The following EPC2 variants were observed in gnomAD, a reference collection of about 807,000 sequenced individuals.
EPC2 encodes enhancer of polycomb 2.
A neutral mutation model predicts 92.1 loss-of-function variants in EPC2; 14 were observed. That is an observed-to-expected ratio of 0.15 (90% CI 0.10 to 0.24). The LOEUF (loss-of-function observed/expected upper bound fraction) is 0.24. Ranked by LOEUF, EPC2 falls within the 10% of genes least tolerant of loss-of-function variation. The pLI is 1.00. For missense variants in EPC2, 755 were observed against 971.5 expected (o/e 0.78, Z 2.96); for synonymous variants, 340 against 334.7 (o/e 1.02, Z -0.17).
In EPC2 at chr2:148,708,540, A is replaced by ATCTGCCT. The variant is rs1682059511; in HGVS notation, c.313+18167_313+18168insTCTGCCT. ...ACCAAAGCCTGGCAGAGACACAACA[A>ATCTGCCT]AAAAGGAGAATTTTAGACCAATATC... On this transcript the variant is annotated intron_variant, in intron 2 of 13. Transcript: ENST00000258484. Among the ~76,000 whole-genome samples, 14 of 152,318 alleles carry ATCTGCCT rather than the reference A, an allele frequency of 9.2e-5. No homozygotes were observed. The South Asian group carries it at 2.7e-3, about 29-fold the overall frequency.
intron 2 of EPC2, among the ~76,000 whole-genome samples, chr2:148,693,173 A>T (rs1383549716): frequency 6.6e-6 from 1 of 152,122 alleles, no homozygotes; most frequent in Non-Finnish European, 1.5e-5. Context: ...CTTTTTGCTA[A>T]GCCTTTAAGG....
intron 7 of EPC2, among the ~76,000 whole-genome samples, chr2:148,767,800 C>T (rs983906107): frequency 2.0e-5 from 3 of 152,164 alleles, no homozygotes; most frequent in Non-Finnish European, 2.9e-5. Context: ...GAATCTACCC[C>T]GGGGAATCGT....
chr2:148,691,588 CT>C, intron 2 of EPC2: 2 of 1,550,472 alleles, frequency 1.3e-6, no homozygotes, highest in Non-Finnish European at 1.7e-6. Context: ...AAGTCTTGTT[CT>C]TCTAAAGAGA....
Position 148,784,910 on chromosome 2 carries a change from T to C in EPC2, c.2260T>C (p.Ser754Pro). 1 of 1,591,948 alleles carries C rather than the reference T, an allele frequency of 6.3e-7. No individual in the cohort carries two copies. The highest frequency in any genetic ancestry group is 8.6e-7 in the Non-Finnish European group (1 of 1,168,366). ...TATCAATACACGGACTTCAGCACCATCGCCAACAGCCTTAAAACTTGCCAC... is the reference window on the plus strand; with the variant it reads ...TATCAATACACGGACTTCAGCACCACCGCCAACAGCCTTAAAACTTGCCAC... ...VHINTRTSAPSPTALKLATVA... is the reference protein window; with the variant it reads ...VHINTRTSAPPPTALKLATVA... The change falls in exon 13 of 14, where the codon TCG becomes CCG. Residue 754 changes from serine to proline, a missense_variant. Transcript: ENST00000258484.
At chr2:148,706,285 G>A (rs990601286) in intron 2 of EPC2, among the ~76,000 whole-genome samples, 5 of 151,804 alleles carry the variant, frequency 3.3e-5, no homozygotes, top group South Asian at 2.1e-4. Context: ...AATGAAGCAA[G>A]AAGTTTAGAG....
At chr2:148,727,500 G>A (rs1229528167) in intron 2 of EPC2, among the ~76,000 whole-genome samples, 1 of 151,986 alleles carries the variant, frequency 6.6e-6, no homozygotes, top group African/African-American at 2.4e-5. Context: ...CCATGTAGTG[G>A]CCTATGAAGA....
rs184188136 is a variant in EPC2 at position 148,709,444 on chromosome 2, C to T, written c.313+19071C>T. Among the ~76,000 whole-genome samples the T allele has an allele frequency of 7.2e-3, 1,089 of 152,226 alleles. 6 individuals are homozygous for T. Among genetic ancestry groups the T allele is most frequent in the African/African-American group, 0.025 (1,024 of 41,532 alleles). On this transcript the variant is annotated intron_variant, in intron 2 of 13. Transcript: ENST00000258484. ...CCAAGGTAATTTATAGATTAAATGCCATCCCCATCAAGCTACCAATGACTT... is the reference window on the plus strand; with the variant it reads ...CCAAGGTAATTTATAGATTAAATGCTATCCCCATCAAGCTACCAATGACTT...
At chr2:148,717,742 T>G (rs774935283) in intron 2 of EPC2, among the ~76,000 whole-genome samples, 2 of 152,196 alleles carry the variant, frequency 1.3e-5, no homozygotes, top group African/African-American at 2.4e-5. Context: ...GGTGGAGAGT[T>G]CTATAGGTAT....
chr2:148,691,427 AT>A, intron 2 of EPC2: 3 of 1,294,552 alleles, frequency 2.3e-6, no homozygotes. Context: ...AAGTCTGGTG[AT>A]TTGTATTTTT....
intron 7 of EPC2, among the ~76,000 whole-genome samples, chr2:148,766,394 G>C (rs1683408210): frequency 6.6e-6 from 1 of 152,128 alleles, no homozygotes; most frequent in South Asian, 2.1e-4. Flanking sequence ...ATAATATTCT[G>C]ATAGTCATAT....
chr2:148,771,609 A>G (rs769003631), intron 10 of EPC2, among the ~76,000 whole-genome samples: 1 of 151,910 alleles, frequency 6.6e-6, no homozygotes, highest in Non-Finnish European at 1.5e-5. Flanking sequence ...GGCAGAATGC[A>G]TACAGAGTTC....
chr2:148,765,034 C>G lies in EPC2; in HGVS notation c.1028C>G (p.Ala343Gly). 1 of 1,608,492 alleles carries G rather than the reference C, an allele frequency of 6.2e-7. No homozygotes were observed. The highest frequency in any genetic ancestry group is 8.5e-7 in the Non-Finnish European group (1 of 1,176,824). The change falls in exon 7 of 14, where the codon GCA (alanine) becomes GGA (glycine). Residue 343 changes from alanine to glycine, a missense_variant. Ala to Gly is a moderately conservative substitution (Grantham distance 60). This residue lies in a region of EPC2 where 509 missense variants were observed against 607.7 expected (regional missense o/e 0.84). Coordinates refer to ENST00000258484, the MANE Select transcript of EPC2 (RefSeq NM_015630.4). ...QKKKYPKKPK[A>G]EALITSQQPT... The stretch of plus-strand genomic sequence containing the variant: ...AAGAAGTACCCAAAGAAGCCTAAAG[C>G]AGAGGCTTTGATAACATCTCAGCAA...
At chr2:148,753,596 T>A (rs1438546541) in intron 3 of EPC2, among the ~76,000 whole-genome samples, 1 of 152,086 alleles carries the variant, frequency 6.6e-6, no homozygotes, top group Non-Finnish European at 1.5e-5. Context: ...GTGTATAATA[T>A]CAGAGTTTTG....
At chr2:148,755,756 T>G (rs945489590) in intron 4 of EPC2, among the ~76,000 whole-genome samples, 1 of 152,164 alleles carries the variant, frequency 6.6e-6, no homozygotes, top group African/African-American at 2.4e-5. Context: ...AGATCTTTAT[T>G]TGTTCGATTA....
At chr2:148,652,695 T>C (rs1449241620) in intron 1 of EPC2, among the ~76,000 whole-genome samples, 2 of 152,222 alleles carry the variant, frequency 1.3e-5, no homozygotes, top group African/African-American at 2.4e-5. Context: ...ACATTAAATA[T>C]TGGGAAGAAA....
chr2:148,751,667 T>C (rs976257253), intron 3 of EPC2, among the ~76,000 whole-genome samples: 6 of 152,084 alleles, frequency 3.9e-5, no homozygotes, highest in African/African-American at 1.2e-4. Context: ...TTTTTTATAC[T>C]GTATAAAAAT....
At chr2:148,706,468 C>T (rs1285497267) in intron 2 of EPC2, among the ~76,000 whole-genome samples, 1 of 152,034 alleles carries the variant, frequency 6.6e-6, no homozygotes, top group African/African-American at 2.4e-5. Context: ...CAAGGCAGGC[C>T]AACATTCAAA....
intron 1 of EPC2, among the ~76,000 whole-genome samples, chr2:148,679,733 A>C (rs1363262981): frequency 6.6e-6 from 1 of 152,074 alleles, no homozygotes; most frequent in Non-Finnish European, 1.5e-5. Context: ...GCAGCCTCCC[A>C]TTCCTGCGCT....
intron 1 of EPC2, among the ~76,000 whole-genome samples, chr2:148,677,728 C>T (rs964263861): frequency 1.3e-5 from 2 of 151,990 alleles, no homozygotes; most frequent in Non-Finnish European, 2.9e-5. Flanking sequence ...TTTCTTCCTT[C>T]TGGTGGGTTC....
Sources: allele counts gnomAD v4.1 joint callset (sites outside exome capture counted in the v4.1 genomes callset), GRCh38; gene constraint gnomAD v4.1.1; regional missense constraint gnomAD v4.1.1; transcripts MANE v1.5; gene names NCBI Gene and HGNC (gene_info 2026-07-23, HGNC 2026-07-21).